ANKRD12: variants seen among roughly 807,000 people sequenced by gnomAD.
ANKRD12 encodes ankyrin repeat domain-containing protein 12.
In ANKRD12, 85 loss-of-function variants were observed where a neutral mutation model predicts 183.4. That is an observed-to-expected ratio of 0.46 (90% confidence interval 0.39 to 0.56). ANKRD12 has a LOEUF of 0.56. Among genes scored for constraint, ANKRD12 ranks in the 20% least tolerant of loss-of-function variants. ANKRD12 has a pLI of 0.00. For synonymous variants in ANKRD12, 914 were observed against 800.2 expected, an observed-to-expected ratio of 1.14 and a Z score of -2.40; for missense variants, 2,405 against 2,357.1, an observed-to-expected ratio of 1.02 and a Z score of -0.42.
intron 1 of ANKRD12, among the ~76,000 whole-genome samples, chr18:9,154,682 A>G (rs2030130961): frequency 6.6e-6 from 1 of 152,202 alleles, no homozygotes; most frequent in Admixed American, 6.5e-5. Flanking sequence ...AGTCTATTCA[A>G]GAGATGATGG....
chr18:9,148,964 C>G (rs916813335), intron 1 of ANKRD12, among the ~76,000 whole-genome samples: 11 of 152,142 alleles, frequency 7.2e-5, no homozygotes, highest in Non-Finnish European at 1.2e-4. Flanking sequence ...TTGTGGTCTG[C>G]TTTTGTGTGT....
rs2040094731 is a variant in ANKRD12 at position 9,281,202 on chromosome 18, CAAA to C, written c.*79_*81del. 8.4e-7 allele frequency: 1 copy of C among 1,187,554 alleles called. No homozygotes were observed. The highest frequency in any genetic ancestry group is 1.6e-5 in the African/African-American group (1 of 63,256). 73.6% of individuals were successfully genotyped at this position (1,187,554 alleles called of 1,614,324 possible). On this transcript the variant is annotated 3_prime_UTR_variant, in exon 13 of 13. Coordinates refer to ENST00000262126, the MANE Select transcript of ANKRD12 (RefSeq NM_015208.5). ...TATACTGTGGAATACTGCCTTTTGA[CAAA>C]AATACTCATGCCTTTACAATTGTTA...
Position 9,255,872 on chromosome 18 carries a change from G to A in ANKRD12, c.2605G>A (p.Glu869Lys). 1 of 1,591,422 alleles carries A rather than the reference G, an allele frequency of 6.3e-7. No homozygotes were observed. Among genetic ancestry groups the A allele is most frequent in the Non-Finnish European group, 8.5e-7 (1 of 1,173,530 alleles). Residue 869 changes from glutamate to lysine, a missense_variant, in exon 9 of 13, where the codon GAA (glutamate) becomes AAA (lysine). By Grantham distance (56) the Glu-to-Lys change is moderately conservative (BLOSUM62 1). Transcript: ENST00000262126. ...TAGTGAATGTGTTGATAAAATAAAA[G>A]AAAAGGACAAGCTATATTCGCATCA... ...DLSECVDKIKEKDKLYSHHTE... is the reference protein window; with the variant it reads ...DLSECVDKIKKKDKLYSHHTE...
intron 11 of ANKRD12, among the ~76,000 whole-genome samples, chr18:9,277,354 G>A (rs2039895325): frequency 7.7e-6 from 1 of 129,418 alleles, no homozygotes; most frequent in Non-Finnish European, 1.6e-5. Flanking sequence ...TTTAAGCAGA[G>A]TCTGGCTCTG....
chr18:9,256,636 A>T lies in ANKRD12; in HGVS notation c.3369A>T (p.Lys1123Asn). Residue 1123 changes from lysine to asparagine, a missense_variant, in exon 9 of 13, where the codon AAA (lysine) becomes AAT (asparagine). Physicochemically the swap from Lys to Asn is moderately conservative, Grantham distance 94 (BLOSUM62 0). Around this residue, in one of 7 missense-constraint regions of ANKRD12, gnomAD observed 1,983 missense variants for 1,725.9 expected, o/e 1.15. Coordinates refer to ENST00000262126, the MANE Select transcript of ANKRD12 (RefSeq NM_015208.5). ...RNCLELKIKDKEKTKHTPTES... is the reference protein window; with the variant it reads ...RNCLELKIKDNEKTKHTPTES... ...GTTTAGAACTTAAAATAAAAGATAA[A>T]GAAAAAACAAAGCATACACCAACTG... 1 of 1,606,732 alleles carries T rather than the reference A, an allele frequency of 6.2e-7. No homozygotes were observed. The highest frequency in any genetic ancestry group is 8.5e-7 in the Non-Finnish European group (1 of 1,178,326).
intron 8 of ANKRD12, among the ~76,000 whole-genome samples, chr18:9,228,474 C>T (rs2036851330): frequency 6.6e-6 from 1 of 152,158 alleles, no homozygotes; most frequent in Non-Finnish European, 1.5e-5. Context: ...ACACCCTCGC[C>T]AGTAACTGTT....
intron 1 of ANKRD12, among the ~76,000 whole-genome samples, chr18:9,182,129 C>G (rs1433543836): frequency 1.3e-5 from 2 of 152,198 alleles, no homozygotes; most frequent in East Asian, 3.8e-4. Context: ...CTTCCACTTT[C>G]ACTGCTTCTG....
chr18:9,208,419 A>G (rs545670210), intron 4 of ANKRD12, among the ~76,000 whole-genome samples: 1 of 152,296 alleles, frequency 6.6e-6, no homozygotes, highest in Non-Finnish European at 1.5e-5. Context: ...TAAATTTCCC[A>G]AGTATTACTA....
At chr18:9,147,914 A>G (rs149942920) in intron 1 of ANKRD12, among the ~76,000 whole-genome samples, 2,460 of 152,292 alleles carry the variant, frequency 0.016, 25 homozygotes, top group Non-Finnish European at 0.023. Context: ...ACAGTTTACC[A>G]TTTTGCTAGA....
intron 1 of ANKRD12, among the ~76,000 whole-genome samples, chr18:9,149,364 A>G (rs938898196): frequency 3.9e-5 from 6 of 152,178 alleles, no homozygotes; most frequent in African/African-American, 1.4e-4. Flanking sequence ...GACTTAATTC[A>G]TTTTTCTTGA....
chr18:9,164,511 T>G (rs1279792902), intron 1 of ANKRD12, among the ~76,000 whole-genome samples: 1 of 152,220 alleles, frequency 6.6e-6, no homozygotes, highest in Non-Finnish European at 1.5e-5. Context: ...ATTTGGTATC[T>G]TCCTAGCTTT....
At chr18:9,272,243 A>T (rs1014206756) in intron 10 of ANKRD12, among the ~76,000 whole-genome samples, 1 of 152,196 alleles carries the variant, frequency 6.6e-6, no homozygotes, top group Non-Finnish European at 1.5e-5. Flanking sequence ...CAATTATTTT[A>T]GGGGAGAGAG....
At chr18:9,137,860 G>A (rs995273401) in intron 1 of ANKRD12, 5 of 152,190 alleles carry the variant, frequency 3.3e-5, no homozygotes, top group African/African-American at 4.8e-5. Context: ...TTGAATAAAC[G>A]GTTGTACAAA....
intron 1 of ANKRD12, among the ~76,000 whole-genome samples, chr18:9,176,045 G>A (rs1304354363): frequency 6.6e-6 from 1 of 152,124 alleles, no homozygotes; most frequent in Non-Finnish European, 1.5e-5. Flanking sequence ...CAAGAAGGAT[G>A]TTTATCTGTG....
At chr18:9,200,445 T>C (rs2035096791) in intron 3 of ANKRD12, 1 of 152,216 alleles carries the variant, frequency 6.6e-6, no homozygotes, top group African/African-American at 2.4e-5. Context: ...TAAAAGATAT[T>C]TCTTACACCT....
chr18:9,140,232 A>G (rs1259752844), intron 1 of ANKRD12, among the ~76,000 whole-genome samples: 1 of 152,226 alleles, frequency 6.6e-6, no homozygotes, highest in African/African-American at 2.4e-5. Context: ...GTAAACTTCT[A>G]TACAACGTGG....
chr18:9,145,275 A>G (rs978437558), intron 1 of ANKRD12, among the ~76,000 whole-genome samples: 1 of 152,208 alleles, frequency 6.6e-6, no homozygotes, highest in Non-Finnish European at 1.5e-5. Flanking sequence ...GGCATATGCC[A>G]CCATGCCAGA....
chr18:9,229,665 A>C (rs909060542), intron 8 of ANKRD12, among the ~76,000 whole-genome samples: 1 of 152,232 alleles, frequency 6.6e-6, no homozygotes, highest in East Asian at 1.9e-4. Flanking sequence ...TGTATCTGCA[A>C]CGTTACTGAA....
In ANKRD12 at chr18:9,204,543, AGGTAAT is replaced by A; in HGVS notation, c.304_304+5del. The A allele has an allele frequency of 6.3e-7, 1 of 1,576,004 alleles. No individual in the cohort carries two copies. The highest frequency in any genetic ancestry group is 8.6e-7 in the Non-Finnish European group (1 of 1,156,172). ...TTATATCTTCTTACAGGACATACTCAGGTAATTAGATTATCAGGTGTTCCTGTTTAG... is the reference window on the plus strand; with the variant it reads ...TTATATCTTCTTACAGGACATACTCATAGATTATCAGGTGTTCCTGTTTAG... On this transcript the variant is annotated splice_donor_variant and splice_donor_5th_base_variant and coding_sequence_variant and intron_variant, in exon 4 of 13. Coordinates refer to ENST00000262126, the MANE Select transcript of ANKRD12 (RefSeq NM_015208.5). LOFTEE classifies it high-confidence loss of function.
Sources: gnomAD v4.1 joint callset for allele counts (sites outside exome capture counted in the v4.1 genomes callset) on GRCh38, gnomAD v4.1.1 for gene constraint, gnomAD v4.1.1 regional missense constraint, MANE v1.5 for transcripts, NCBI Gene and HGNC (gene_info 2026-07-23, HGNC 2026-07-21) for gene names.